Variants in FOXN3 observed in about 807,000 individuals in gnomAD.
The protein encoded by FOXN3 is forkhead box protein N3.
Under a neutral mutation model 38.4 loss-of-function variants are expected in FOXN3, and 7 were observed. The observed-to-expected ratio is 0.18, with a 90% confidence interval of 0.10 to 0.34. The LOEUF (loss-of-function observed/expected upper bound fraction) is 0.34, where lower values mean the gene tolerates loss of function less well. FOXN3 is among the 10% of genes least tolerant of loss of function. The probability of loss-of-function intolerance (pLI) is 1.00; values close to 1 mark genes in which losing one functional copy is unlikely to be tolerated. For missense variants in FOXN3, 456 were observed against 613.4 expected, an observed-to-expected ratio of 0.74 and a Z score of 2.71; for synonymous variants, 230 against 242.2, an observed-to-expected ratio of 0.95 and a Z score of 0.47.
chr14:89,465,236 T>C (rs986337360), intron 1 of FOXN3, among the ~76,000 whole-genome samples: 1 of 151,996 alleles, frequency 6.6e-6, no homozygotes, highest in Non-Finnish European at 1.5e-5. Flanking sequence ...TTTTTTTGTT[T>C]TGTTTTGTTT....
intron 1 of FOXN3, among the ~76,000 whole-genome samples, chr14:89,557,967 C>T (rs1224960321): frequency 6.6e-6 from 1 of 152,172 alleles, no homozygotes; most frequent in Non-Finnish European, 1.5e-5. Context: ...GATCATGCCA[C>T]TGCACTCCAG....
intron 3 of FOXN3, among the ~76,000 whole-genome samples, chr14:89,318,662 G>C (rs929198021): frequency 6.6e-6 from 1 of 152,180 alleles, no homozygotes; most frequent in African/African-American, 2.4e-5. Flanking sequence ...TTTAATCCTT[G>C]CATCAACCCT....
intron 2 of FOXN3, among the ~76,000 whole-genome samples, chr14:89,406,946 C>T (rs550742226): frequency 7.0e-6 from 1 of 142,288 alleles, no homozygotes; most frequent in South Asian, 2.3e-4. Context: ...TAATCCCAGA[C>T]ATTAAAACTC....
intron 3 of FOXN3, chr14:89,290,259 C>T (rs1173625693): frequency 6.2e-6 from 2 of 321,474 alleles, no homozygotes; most frequent in Admixed American, 3.9e-5. Flanking sequence ...ACAGGAAATT[C>T]TCTGTCATTA....
intron 1 of FOXN3, among the ~76,000 whole-genome samples, chr14:89,589,777 A>G (rs1895915248): frequency 6.6e-6 from 1 of 152,150 alleles, no homozygotes; most frequent in African/African-American, 2.4e-5. Flanking sequence ...ATTTTCCATA[A>G]TAAGCAAATT....
intron 1 of FOXN3, among the ~76,000 whole-genome samples, chr14:89,489,691 A>C (rs900945809): frequency 1.3e-5 from 2 of 152,194 alleles, no homozygotes; most frequent in Non-Finnish European, 2.9e-5. Context: ...ATTTATTTCC[A>C]TATGTAACTG....
intron 5 of FOXN3, among the ~76,000 whole-genome samples, chr14:89,180,467 C>T (rs1168159695): frequency 6.6e-6 from 1 of 152,182 alleles, no homozygotes; most frequent in Non-Finnish European, 1.5e-5. Context: ...CTTAACTTGC[C>T]TCCATCTCCT....
At chr14:89,198,360 C>A (rs1566927037) in intron 4 of FOXN3, among the ~76,000 whole-genome samples, 2 of 152,194 alleles carry the variant, frequency 1.3e-5, no homozygotes, top group East Asian at 1.9e-4. Flanking sequence ...GGGACTTGAA[C>A]ATCCTCAGAT....
chr14:89,613,071 C>T (rs933705344), intron 1 of FOXN3, among the ~76,000 whole-genome samples: 14 of 138,422 alleles, frequency 1.0e-4, no homozygotes, highest in East Asian at 2.2e-4. Flanking sequence ...CAGCCGAGAT[C>T]GCGCCATTGC....
At chr14:89,467,004 C>T (rs1892984735) in intron 1 of FOXN3, among the ~76,000 whole-genome samples, 1 of 152,230 alleles carries the variant, frequency 6.6e-6, no homozygotes, top group South Asian at 2.1e-4. Flanking sequence ...ACAAAAGCAG[C>T]GTTAGCTTTC....
At chr14:89,542,281 G>C (rs1403881792) in intron 1 of FOXN3, among the ~76,000 whole-genome samples, 1 of 152,208 alleles carries the variant, frequency 6.6e-6, no homozygotes, top group Non-Finnish European at 1.5e-5. Flanking sequence ...TTGTTCTCCA[G>C]ATGTCAGGAT....
At chr14:89,384,941 C>G (rs1890751400) in intron 2 of FOXN3, among the ~76,000 whole-genome samples, 1 of 152,142 alleles carries the variant, frequency 6.6e-6, no homozygotes, top group African/African-American at 2.4e-5. Flanking sequence ...GGAGAAACAG[C>G]CTTACAATGA....
intron 2 of FOXN3, among the ~76,000 whole-genome samples, chr14:89,387,478 A>G (rs1890824166): frequency 6.6e-6 from 1 of 152,216 alleles, no homozygotes; most frequent in African/African-American, 2.4e-5. Flanking sequence ...ATTAACAGTA[A>G]TTACCTTGCT....
intron 5 of FOXN3, among the ~76,000 whole-genome samples, chr14:89,172,758 A>C (rs181518433): frequency 8.3e-4 from 126 of 152,310 alleles, no homozygotes; most frequent in African/African-American, 2.9e-3. Flanking sequence ...TGGGAAAAAG[A>C]GGGGCTACTT....
intron 3 of FOXN3, among the ~76,000 whole-genome samples, chr14:89,341,150 G>C (rs933453949): frequency 4.6e-5 from 7 of 152,158 alleles, no homozygotes; most frequent in African/African-American, 1.7e-4. Flanking sequence ...TGGTTGTCTA[G>C]CCTCGACTGG....
In FOXN3 at chr14:89,316,861, C is replaced by T. The variant is rs949547625; in HGVS notation, c.680+33811G>A. 5.3e-5 allele frequency among the ~76,000 whole-genome samples: 8 copies of T among 152,174 alleles called. No individual in the cohort carries two copies. The South Asian group carries it at 1.2e-3, about 24-fold the overall frequency. ...TGTATTTTTAGTAGAGACGGGGTTT[C>T]GCCATGTTGGCCAAGCTGGTTTTGA... is the stretch of plus-strand genomic sequence containing the variant. On this transcript the variant is annotated intron_variant, in intron 3 of 5. Coordinates refer to ENST00000557258, the MANE Select transcript of FOXN3 (RefSeq NM_005197.4).
intron 1 of FOXN3, among the ~76,000 whole-genome samples, chr14:89,468,224 C>T (rs1003043917): frequency 1.3e-5 from 2 of 151,842 alleles, no homozygotes; most frequent in African/African-American, 4.8e-5. Context: ...GAGGCTGGGG[C>T]GGGCGGATCA....
chr14:89,410,865 C>T (rs1390189389), intron 2 of FOXN3, among the ~76,000 whole-genome samples: 3 of 150,690 alleles, frequency 2.0e-5, no homozygotes, highest in Non-Finnish European at 4.4e-5. Context: ...AGAGCAAGAC[C>T]CTGGTCCCAA....
rs1225997705 is a variant in FOXN3, at chr14:89,157,349, C to T, written c.*5065G>A. 6.6e-6 allele frequency: 1 copy of T among 152,608 alleles called. No homozygotes were observed. Among genetic ancestry groups the T allele is most frequent in the East Asian group, 1.9e-4 (1 of 5,196 alleles). 9.5% of individuals were successfully genotyped at this position (152,608 alleles called of 1,614,324 possible). A position where few individuals can be genotyped will look rare whatever the true frequency, so the allele number is the denominator to read the frequency against. On this transcript the variant is annotated 3_prime_UTR_variant, in exon 6 of 6. Transcript: ENST00000557258. ...CTGAACTGTGGAAGAACTGCAAGGTCACACACATTATTCATGATAAAGCAA... is the reference window on the plus strand; with the variant it reads ...CTGAACTGTGGAAGAACTGCAAGGTTACACACATTATTCATGATAAAGCAA...
Sources: allele counts gnomAD v4.1 joint callset (sites outside exome capture counted in the v4.1 genomes callset), GRCh38; gene constraint gnomAD v4.1.1; transcripts MANE v1.5; gene names NCBI Gene and HGNC (gene_info 2026-07-23, HGNC 2026-07-21).